Variants in ATP6V0B observed in about 807,000 individuals in gnomAD.
The protein encoded by ATP6V0B is V-type proton ATPase 21 kDa proteolipid subunit c''.
ATP6V0B carries 4 observed loss-of-function variants against 26.2 expected under a neutral mutation model. The observed-to-expected ratio is 0.15, with a 90% CI of 0.08 to 0.35. The LOEUF (loss-of-function observed/expected upper bound fraction) is 0.35. Ranked by LOEUF, ATP6V0B falls within the 10% of genes least tolerant of loss-of-function variation. The pLI, the probability that ATP6V0B is intolerant of heterozygous loss-of-function variation, is 1.00. For synonymous variants in ATP6V0B, 110 were observed against 105.8 expected (o/e 1.04, Z -0.24); for missense variants, 175 against 272.5 (o/e 0.64, Z 2.52).
chr1:43,976,001 G>A lies in ATP6V0B; in HGVS notation c.117-89G>A. On this transcript the variant is annotated intron_variant, in intron 2 of 7. Transcript: ENST00000472174. This position sits in a 1 kb window ranked among gnomAD's most constrained non-coding sequence, Gnocchi z 4.6. ...TCAGTTGTTGCCTGTAGAACTGGTG[G>A]TGGGGTTGAAGGGGGTTTGAGGGGT... The A allele has an allele frequency of 6.5e-7, 1 of 1,533,884 alleles. No individual in the cohort carries two copies. The highest frequency in any genetic ancestry group is 2.2e-5 in the East Asian group (1 of 44,450).
chr1:43,976,293 T>C lies in ATP6V0B; in HGVS notation c.201-9T>C. On this transcript the variant is annotated splice_polypyrimidine_tract_variant and intron_variant, in intron 3 of 7. Transcript: ENST00000472174. This position sits in a 1 kb window ranked among gnomAD's most constrained non-coding sequence, Gnocchi z 4.6. ...GGCTCTGCTCATCAGTTTTTTATCC[T>C]TCCACCAGGGGCATCTATATTACCG... The C allele has an allele frequency of 6.2e-7, 1 of 1,613,582 alleles. No homozygotes were observed.
chr1:43,977,372 C>T (rs904783797), intron 7 of ATP6V0B, 156 bp downstream of exon 7: 1 of 1,531,966 alleles, frequency 6.5e-7, no homozygotes, highest in African/African-American at 1.4e-5. Context: ...TTTTCTCCTA[C>T]AGGGGCTCTC....
chr1:43,975,244 G>A lies in ATP6V0B; in HGVS notation c.67+137G>A, dbSNP rs2085504464. The A allele has an allele frequency of 1.4e-5, 15 of 1,104,368 alleles. No homozygotes were observed. In the South Asian group the frequency reaches 2.1e-4, roughly 16 times the overall value. The allele number at this position is 1,104,368 out of a possible 1,614,324, so 68.4% of individuals were successfully genotyped here. ...CGAGGCTCTGGGGACTTGCGCCTGC[G>A]AGGGCCTCTGACTCCGACAAAGGAG... On this transcript the variant is annotated intron_variant, in intron 1 of 7. Coordinates refer to ENST00000472174, the MANE Select transcript of ATP6V0B (RefSeq NM_004047.5).
intron 7 of ATP6V0B, 183 bp from the exon 8 acceptor site, chr1:43,977,798 A>G (rs2085539265): frequency 6.5e-7 from 1 of 1,538,594 alleles, no homozygotes; most frequent in Admixed American, 1.9e-5. Context: ...TCTGTCCCAC[A>G]GCGTAACTCT....
rs892114317 is a variant in ATP6V0B, at chr1:43,976,552, C to T, written c.279-38C>T. The T allele has an allele frequency of 1.2e-6, 2 of 1,608,464 alleles. No homozygotes were observed. The highest frequency in any genetic ancestry group is 1.7e-6 in the Non-Finnish European group (2 of 1,175,158). On this transcript the variant is annotated intron_variant, in intron 4 of 7. Transcript: ENST00000472174. This position sits in a 1 kb window ranked among gnomAD's most constrained non-coding sequence, Gnocchi z 4.6. The stretch of plus-strand genomic sequence containing the variant: ...GACGGTTTCTTTCTCATTTCTTTCT[C>T]CTTTCCACTCCTTACCCCTAATCTC...
At chr1:43,975,129 C>A in intron 1 of ATP6V0B, 22 bp downstream of exon 1, 1 of 1,409,684 alleles carries the variant, frequency 7.1e-7, no homozygotes, top group Non-Finnish European at 9.2e-7. Flanking sequence ...TCCTGGCGGG[C>A]GGGAGCAGCA....
intron 1 of ATP6V0B, 45 bp from the exon 2 acceptor site, chr1:43,975,755 C>T (rs768696488): frequency 4.4e-6 from 7 of 1,587,358 alleles, no homozygotes; most frequent in Non-Finnish European, 6.0e-6. Context: ...GAACTTCTCT[C>T]TACCGAGCAG....
Position 43,976,714 on chromosome 1 carries a change from C to T in ATP6V0B, c.348+55C>T. The T allele has an allele frequency of 3.1e-6, 5 of 1,613,570 alleles. No homozygotes were observed. The highest frequency in any genetic ancestry group is 4.2e-6 in the Non-Finnish European group (5 of 1,179,492). On this transcript the variant is annotated intron_variant, in intron 5 of 7. Coordinates refer to ENST00000472174, the MANE Select transcript of ATP6V0B (RefSeq NM_004047.5). The surrounding 1 kb of genome is among the most constrained non-coding windows in gnomAD (Gnocchi z 4.6). ...CCATTCCAGTGTGTTCTACACATTC[C>T]TTAGAGATTGGATGGGGTGCATCAG... is the stretch of plus-strand genomic sequence containing the variant.
intron 2 of ATP6V0B, 121 bp downstream of exon 2, chr1:43,975,969 T>C (rs1434828799): frequency 3.6e-5 from 55 of 1,513,532 alleles, no homozygotes; most frequent in Non-Finnish European, 4.8e-5. Context: ...CTTTGGGAAA[T>C]ACGCGGTCAG....
In ATP6V0B at chr1:43,976,967, T is replaced by G; in HGVS notation, c.401-59T>G. ...GAGTGGGGATGGTGATTGGCCCCAT[T>G]AGCCCATATCTCCCCCATTCCTGGC... On this transcript the variant is annotated intron_variant, in intron 6 of 7. Coordinates refer to ENST00000472174, the MANE Select transcript of ATP6V0B (RefSeq NM_004047.5). The surrounding 1 kb of genome is among the most constrained non-coding windows in gnomAD (Gnocchi z 4.6). 2 of 1,601,592 alleles carry G rather than the reference T, an allele frequency of 1.2e-6. No homozygotes were observed. Among genetic ancestry groups the G allele is most frequent in the South Asian group, 2.2e-5 (2 of 90,290 alleles).
In ATP6V0B at chr1:43,976,185, G is replaced by A. The variant is rs368096009; in HGVS notation, c.200+12G>A. On this transcript the variant is annotated intron_variant, in intron 3 of 7. Coordinates refer to ENST00000472174, the MANE Select transcript of ATP6V0B (RefSeq NM_004047.5). This position sits in a 1 kb window ranked among gnomAD's most constrained non-coding sequence, Gnocchi z 4.6. ...GTTGGGGCAGCCTGGTGAGTATTGG[G>A]GTGGTGGGACTGGGGGCAGGGGCTG... The A allele has an allele frequency of 6.2e-4, 1,003 of 1,613,450 alleles. 1 individual carries two copies. Among genetic ancestry groups the A allele is most frequent in the Non-Finnish European group, 5.7e-4 (670 of 1,179,476 alleles).
In ATP6V0B at chr1:43,976,098, C is replaced by G. The variant is rs779560069; in HGVS notation, c.125C>G (p.Thr42Arg). The change falls in exon 3 of 8, where the codon ACG becomes AGG. Residue 42 changes from threonine (T) to arginine (R), a missense_variant. By Grantham distance (71) the Thr-to-Arg change is moderately conservative (BLOSUM62 -1). This residue lies in a region of ATP6V0B where 75 missense variants were observed against 94.7 expected (regional missense o/e 0.79). Transcript: ENST00000472174. This position sits in a 1 kb window ranked among gnomAD's most constrained non-coding sequence, Gnocchi z 4.6. ...CTCTGCTTCCACAACAGGTTCCTGACGGAGACTTCGCCCTTCATGTGGTCC... is the reference window on the plus strand; with the variant it reads ...CTCTGCTTCCACAACAGGTTCCTGAGGGAGACTTCGCCCTTCATGTGGTCC... ...GFRFDVAWFL[T>R]ETSPFMWSNL... is the part of the protein sequence containing the mutation. The G allele has an allele frequency of 6.2e-7, 1 of 1,614,062 alleles. No individual in the cohort carries two copies. The highest frequency in any genetic ancestry group is 8.5e-7 in the Non-Finnish European group (1 of 1,179,946).
chr1:43,976,991 G>A lies in ATP6V0B; in HGVS notation c.401-35G>A. 6.2e-7 allele frequency: 1 copy of A among 1,600,560 alleles called. No individual in the cohort carries two copies. Among genetic ancestry groups the A allele is most frequent in the Non-Finnish European group, 8.5e-7 (1 of 1,171,140 alleles). On this transcript the variant is annotated intron_variant, in intron 6 of 7. Coordinates refer to ENST00000472174, the MANE Select transcript of ATP6V0B (RefSeq NM_004047.5). This position sits in a 1 kb window ranked among gnomAD's most constrained non-coding sequence, Gnocchi z 4.6. ...TTAGCCCATATCTCCCCCATTCCTG[G>A]CTTAGCCTCACTGCACCCCTCTCTA...
chr1:43,976,753 TAC>T lies in ATP6V0B; in HGVS notation c.349-19_349-18del. 3 of 1,614,126 alleles carry T rather than the reference TAC, an allele frequency of 1.9e-6. No individual in the cohort carries two copies. Among genetic ancestry groups the T allele is most frequent in the Admixed American group, 3.3e-5 (2 of 60,020 alleles). ...GGGGTGCATCAGGATGGTTTCTGAT[TAC>T]TTTTCTTCTTCCCTCAGCCTTTCAG... On this transcript the variant is annotated intron_variant, in intron 5 of 7. Coordinates refer to ENST00000472174, the MANE Select transcript of ATP6V0B (RefSeq NM_004047.5). This position sits in a 1 kb window ranked among gnomAD's most constrained non-coding sequence, Gnocchi z 4.6.
chr1:43,978,065 C>T lies in ATP6V0B; in HGVS notation c.*58C>T, dbSNP rs905842457. ...TTATTTATTGCTGGTTTTCCTGGGA[C>T]AGCTGGAGCTGTGTCCCTTAGCCTT... On this transcript the variant is annotated 3_prime_UTR_variant, in exon 8 of 8. Transcript: ENST00000472174. The T allele has an allele frequency of 2.6e-5, 42 of 1,611,778 alleles. No individual in the cohort carries two copies. The African/African-American group carries it at 5.2e-4, about 20-fold the overall frequency.
At chr1:43,975,355 C>G (rs1174798134) in intron 1 of ATP6V0B, 5 of 575,882 alleles carry the variant, frequency 8.7e-6, no homozygotes, top group South Asian at 2.0e-5. Flanking sequence ...CTATCGCTGT[C>G]TCCCCTCGCT....
At position 43,978,031 on chromosome 1, in the gene ATP6V0B, G is replaced by A; in HGVS notation, c.*24G>A. On this transcript the variant is annotated 3_prime_UTR_variant, in exon 8 of 8. Coordinates refer to ENST00000472174, the MANE Select transcript of ATP6V0B (RefSeq NM_004047.5). The stretch of plus-strand genomic sequence containing the variant: ...AGATGATATGTGTGGGTGGGGCCGT[G>A]CCTCACTTTTATTTATTGCTGGTTT... The A allele has an allele frequency of 6.2e-7, 1 of 1,614,198 alleles. No homozygotes were observed.
chr1:43,977,077 G>A lies in ATP6V0B; in HGVS notation c.452G>A (p.Cys151Tyr). Reference protein sequence around the residue: ...GLTVGLSNLFCGVCVGIVGSG... With the variant: ...GLTVGLSNLFYGVCVGIVGSG... ...ACCGTAGGCCTGTCTAACCTCTTCT[G>A]TGGAGTCTGCGTGGGCATCGTGGGC... is the stretch of plus-strand genomic sequence containing the variant. Residue 151 changes from cysteine to tyrosine, a missense_variant, in exon 7 of 8, where the codon TGT becomes TAT. By Grantham distance (194) the Cys-to-Tyr change is radical (BLOSUM62 -2). Around this residue, in one of 3 missense-constraint regions of ATP6V0B, gnomAD observed 97 missense variants for 158.0 expected, o/e 0.61. Transcript: ENST00000472174. 1 of 1,613,914 alleles carries A rather than the reference G, an allele frequency of 6.2e-7. No homozygotes were observed. Among genetic ancestry groups the A allele is most frequent in the Non-Finnish European group, 8.5e-7 (1 of 1,179,808 alleles).
chr1:43,975,889 C>T (rs1399291426), intron 2 of ATP6V0B, 41 bp downstream of exon 2: 2 of 1,555,408 alleles, frequency 1.3e-6, no homozygotes, highest in East Asian at 2.3e-5. Flanking sequence ...GAAGCTTCTT[C>T]CCTGCAGCCT....
Sources: allele counts gnomAD v4.1 joint callset, GRCh38; gene constraint gnomAD v4.1.1; regional missense constraint gnomAD v4.1.1; non-coding constraint Gnocchi (gnomAD v3.1); transcripts MANE v1.5; gene names NCBI Gene and HGNC (gene_info 2026-07-23, HGNC 2026-07-21).